SENP7: variants seen among roughly 807,000 people sequenced by gnomAD.
SENP7 encodes the protein sentrin-specific protease 7.
A neutral mutation model predicts 141.2 loss-of-function variants in SENP7; 64 were observed. The observed-to-expected ratio is 0.45, with a 90% CI of 0.37 to 0.56. SENP7 has a LOEUF of 0.56. SENP7 is among the 20% of genes least tolerant of loss of function. The pLI, the probability that SENP7 is intolerant of heterozygous loss-of-function variation, is 0.00. For missense variants in SENP7, 1,025 were observed against 1,212.2 expected (o/e 0.85, Z 2.29); for synonymous variants, 382 against 426.4 (o/e 0.90, Z 1.28).
intron 3 of SENP7, among the ~76,000 whole-genome samples, chr3:101,462,961 A>G (rs2063598488): frequency 6.6e-6 from 1 of 152,190 alleles, no homozygotes; most frequent in South Asian, 2.1e-4. Context: ...AAGACATACA[A>G]TTAAGAAATA....
At chr3:101,346,864 A>C (rs1452641932) in intron 13 of SENP7, among the ~76,000 whole-genome samples, 2 of 151,958 alleles carry the variant, frequency 1.3e-5, no homozygotes, top group East Asian at 3.8e-4. Flanking sequence ...TAAAGAACTT[A>C]TGTAATCAAA....
At chr3:101,497,735 G>A (rs984598511) in intron 2 of SENP7, among the ~76,000 whole-genome samples, 6 of 152,184 alleles carry the variant, frequency 3.9e-5, no homozygotes, top group African/African-American at 1.2e-4. Flanking sequence ...AGCTGAAGCA[G>A]GAGGATCTCT....
chr3:101,412,075 C>T (rs1251444385), intron 5 of SENP7, among the ~76,000 whole-genome samples: 2 of 152,070 alleles, frequency 1.3e-5, no homozygotes, highest in Admixed American at 6.6e-5. Context: ...GCAGGGAAAA[C>T]TCTGAGGAAC....
intron 2 of SENP7, among the ~76,000 whole-genome samples, chr3:101,497,416 G>T (rs764736633): frequency 6.6e-6 from 1 of 151,894 alleles, no homozygotes; most frequent in African/African-American, 2.4e-5. Context: ...AAGAACCAAG[G>T]CTCCCTGGGA....
At chr3:101,429,450 T>C (rs964580727) in intron 4 of SENP7, among the ~76,000 whole-genome samples, 1 of 152,172 alleles carries the variant, frequency 6.6e-6, no homozygotes, top group African/African-American at 2.4e-5. Flanking sequence ...ATTCTCTTTG[T>C]AGCAATTGTG....
intron 3 of SENP7, among the ~76,000 whole-genome samples, chr3:101,470,664 G>A (rs1360051551): frequency 6.6e-6 from 1 of 152,168 alleles, no homozygotes; most frequent in Non-Finnish European, 1.5e-5. Flanking sequence ...AATCGGGCAA[G>A]AGAAAGAAAT....
intron 17 of SENP7, among the ~76,000 whole-genome samples, chr3:101,335,085 C>T (rs538090983): frequency 4.6e-5 from 7 of 152,122 alleles, no homozygotes; most frequent in African/African-American, 9.6e-5. Context: ...CGTAAACAAA[C>T]GAATAAAATG....
intron 6 of SENP7, among the ~76,000 whole-genome samples, chr3:101,373,470 G>A (rs983437676): frequency 5.3e-5 from 8 of 152,056 alleles, no homozygotes; most frequent in African/African-American, 1.7e-4. Flanking sequence ...CCTAAAAGAC[G>A]ATCTAAAAAG....
At chr3:101,336,927 T>C (rs538837055) in intron 17 of SENP7, among the ~76,000 whole-genome samples, 6 of 152,296 alleles carry the variant, frequency 3.9e-5, no homozygotes, top group South Asian at 4.1e-4. Flanking sequence ...TAGTCTGTCA[T>C]TGGGGATCCA....
intron 6 of SENP7, among the ~76,000 whole-genome samples, chr3:101,385,151 CAT>C (rs1491556497): frequency 6.6e-6 from 1 of 151,788 alleles, no homozygotes; most frequent in East Asian, 1.9e-4. Flanking sequence ...TGTGTGTGTG[CAT>C]GTGTGTGTGT....
At chr3:101,453,320 G>A (rs912833145) in intron 4 of SENP7, among the ~76,000 whole-genome samples, 5 of 152,154 alleles carry the variant, frequency 3.3e-5, no homozygotes, top group Non-Finnish European at 5.9e-5. Flanking sequence ...ATTCCTCAGG[G>A]ATCTAGAACA....
intron 1 of SENP7, among the ~76,000 whole-genome samples, chr3:101,510,596 T>C (rs1333781816): frequency 6.6e-6 from 1 of 152,194 alleles, no homozygotes; most frequent in Non-Finnish European, 1.5e-5. Context: ...CTCACGCCTG[T>C]AATTCCAGCA....
rs1471189648 is a variant in SENP7 at position 101,493,437 on chromosome 3, T to C, written c.186+436A>G. 2.6e-5 allele frequency among the ~76,000 whole-genome samples: 4 copies of C among 152,304 alleles called. No homozygotes were observed. The East Asian group carries it at 7.7e-4, about 29-fold the overall frequency. On this transcript the variant is annotated intron_variant, in intron 3 of 23. Transcript: ENST00000394095. ...CAAAAAACTGCTATCTTAATCCTTA[T>C]TCATCAAAGTCTGATTATAATGCTT...
At chr3:101,379,760 G>A (rs2060442566) in intron 6 of SENP7, among the ~76,000 whole-genome samples, 1 of 152,142 alleles carries the variant, frequency 6.6e-6, no homozygotes, top group Admixed American at 6.5e-5. Context: ...ATGAATAATA[G>A]TATGATGTTT....
At position 101,363,786 on chromosome 3, in the gene SENP7, G is replaced by A. The variant is rs539462538; in HGVS notation, c.1476+1048C>T. 2.0e-4 allele frequency among the ~76,000 whole-genome samples: 30 copies of A among 152,158 alleles called. 2 individuals carry two copies. In the East Asian group the frequency reaches 5.4e-3, roughly 27 times the overall value. On this transcript the variant is annotated intron_variant, in intron 10 of 23. Transcript: ENST00000394095. ...TCAGACCAAACTGTTTTCATAGATC[G>A]GGCCAACTCTTCACCATACTCTGCA...
At position 101,341,522 on chromosome 3, in the gene SENP7, C is replaced by G; in HGVS notation, c.2240+124G>C. ...ATAATTTCTTTAAAAAAACCTATTT[C>G]CATTACTATCAGCATGAAAGTAAAA... is the stretch of plus-strand genomic sequence containing the variant. On this transcript the variant is annotated intron_variant, in intron 15 of 23. Transcript: ENST00000394095. The G allele has an allele frequency of 3.6e-6, 3 of 830,922 alleles. No homozygotes were observed. The East Asian group carries it at 9.2e-5, about 25-fold the overall frequency. The allele number at this position is 830,922 out of a possible 1,614,324, so 51.5% of individuals were successfully genotyped here. A position where few individuals can be genotyped will look rare whatever the true frequency, so the allele number is the denominator to read the frequency against.
intron 4 of SENP7, among the ~76,000 whole-genome samples, chr3:101,420,481 A>G (rs190093800): frequency 1.3e-5 from 2 of 152,388 alleles, no homozygotes; most frequent in Non-Finnish European, 2.9e-5. Context: ...GTTGTCTTAC[A>G]GTTAAGAAAT....
intron 1 of SENP7, among the ~76,000 whole-genome samples, chr3:101,509,331 G>C (rs1196203136): frequency 2.0e-5 from 3 of 152,024 alleles, no homozygotes; most frequent in African/African-American, 7.2e-5. Context: ...TTGAAATCTG[G>C]CTTTTGTCTA....
intron 20 of SENP7, 40 bp downstream of exon 20, chr3:101,330,294 T>C: frequency 7.0e-7 from 1 of 1,435,266 alleles, no homozygotes; most frequent in Non-Finnish European, 9.8e-7. Flanking sequence ...ATTATATTCA[T>C]GAGTTTTCCT....
Sources: gnomAD v4.1 joint callset for allele counts (sites outside exome capture counted in the v4.1 genomes callset) on GRCh38, gnomAD v4.1.1 for gene constraint, MANE v1.5 for transcripts, NCBI Gene and HGNC (gene_info 2026-07-23, HGNC 2026-07-21) for gene names.